The following WDR35 variants were observed in gnomAD, a reference collection of about 807,000 sequenced individuals.
WDR35 encodes WD repeat domain 35.
In WDR35, 118 loss-of-function variants were observed where a neutral mutation model predicts 158.3. The ratio of observed to expected loss-of-function variants is 0.75; its 90% CI spans 0.64 to 0.87. The LOEUF (loss-of-function observed/expected upper bound fraction) is 0.87, where lower values mean the gene tolerates loss of function less well. WDR35 is among the 40% of genes least tolerant of loss of function. The probability of loss-of-function intolerance (pLI) is 0.00; values close to 1 mark genes in which losing one functional copy is unlikely to be tolerated. For synonymous variants in WDR35, 448 were observed against 476.1 expected, an observed-to-expected ratio of 0.94 and a Z score of 0.77; for missense variants, 1,263 against 1,405.8, an observed-to-expected ratio of 0.90 and a Z score of 1.62.
chr2:19,974,413 A>T (rs1024904594), intron 7 of WDR35, 55 bp downstream of exon 7: 6 of 1,455,854 alleles, frequency 4.1e-6, no homozygotes, highest in Non-Finnish European at 5.5e-6. Context: ...CATCTCAAAA[A>T]GAAAAAAAAA....
chr2:19,921,059 C>T (rs1459023042), intron 25 of WDR35, among the ~76,000 whole-genome samples: 1 of 152,106 alleles, frequency 6.6e-6, no homozygotes, highest in African/African-American at 2.4e-5. Flanking sequence ...AACTACAAAC[C>T]ACTGCTCAAG....
chr2:19,968,352 G>A (rs1671926432), intron 9 of WDR35, among the ~76,000 whole-genome samples: 1 of 152,150 alleles, frequency 6.6e-6, no homozygotes, highest in South Asian at 2.1e-4. Context: ...CAGGGGAACA[G>A]GGGCCTATGT....
chr2:19,910,544 A>G lies in WDR35; in HGVS notation c.*3014T>C, dbSNP rs938114224. 2 of 152,226 alleles carry G rather than the reference A, an allele frequency of 1.3e-5. No individual in the cohort carries two copies. Among genetic ancestry groups the G allele is most frequent in the African/African-American group, 2.4e-5 (1 of 41,462 alleles). 9.4% of individuals were successfully genotyped at this position (152,226 alleles called of 1,614,324 possible). On this transcript the variant is annotated 3_prime_UTR_variant, in exon 27 of 27. Coordinates refer to ENST00000281405, the MANE Select transcript of WDR35 (RefSeq NM_020779.4). ...TAATGAAGGGCAAGTTTTATAATAA[A>G]AAAAACAACTTGGCATTACTCAACG...
In WDR35 at chr2:19,914,059, CAGGTTTTCTGTTATCTTTTGA is replaced by C; in HGVS notation, c.3319_3339del (p.Ser1107_Pro1113del). 1 of 1,614,094 alleles carries C rather than the reference CAGGTTTTCTGTTATCTTTTGA, an allele frequency of 6.2e-7. No individual in the cohort carries two copies. The highest frequency in any genetic ancestry group is 8.5e-7 in the Non-Finnish European group (1 of 1,179,984). Reference sequence around the variant, plus strand: ...TACCCTTCCATAAGGCTGTCCAATTCAGGTTTTCTGTTATCTTTTGAAGTATGTTTGGTGAAGATTTCTAAA... The same window carrying C: ...TACCCTTCCATAAGGCTGTCCAATTCAGTATGTTTGGTGAAGATTTCTAAA... On this transcript the variant is annotated inframe_deletion, in exon 26 of 27. Transcript: ENST00000281405.
At chr2:19,961,978 A>G (rs1005643636) in intron 10 of WDR35, among the ~76,000 whole-genome samples, 1 of 152,148 alleles carries the variant, frequency 6.6e-6, no homozygotes, top group Non-Finnish European at 1.5e-5. Context: ...TCCTAATCTT[A>G]AAAAATCCTT....
intron 5 of WDR35, 87 bp downstream of exon 5, chr2:19,978,664 T>C: frequency 6.3e-7 from 1 of 1,581,280 alleles, no homozygotes; most frequent in Non-Finnish European, 8.6e-7. Context: ...ATCAGAATGC[T>C]AACATATGGT....
intron 25 of WDR35, among the ~76,000 whole-genome samples, chr2:19,921,566 C>A (rs891969711): frequency 6.6e-6 from 1 of 152,172 alleles, no homozygotes; most frequent in Non-Finnish European, 1.5e-5. Context: ...ACACCTTATA[C>A]AAAAATTAAC....
At chr2:19,929,239 A>G (rs1481774560) in intron 25 of WDR35, among the ~76,000 whole-genome samples, 1 of 152,234 alleles carries the variant, frequency 6.6e-6, no homozygotes, top group African/African-American at 2.4e-5. Flanking sequence ...GTCTCTAAAG[A>G]GCTCTTATAA....
At chr2:19,980,874 C>T in intron 3 of WDR35, 91 bp from the exon 4 acceptor site, 2 of 1,148,008 alleles carry the variant, frequency 1.7e-6, no homozygotes, top group Non-Finnish European at 2.6e-6. Context: ...ATGTTAAAAT[C>T]AATATGGTTC....
At chr2:19,960,389 C>T (rs1257956802) in intron 11 of WDR35, among the ~76,000 whole-genome samples, 165 bp downstream of exon 11, 4 of 152,064 alleles carry the variant, frequency 2.6e-5, no homozygotes, top group Non-Finnish European at 5.9e-5. Context: ...AGAATTCTAC[C>T]ATGGTAACAG....
chr2:19,946,775 AT>A (rs925438894), intron 14 of WDR35, among the ~76,000 whole-genome samples: 67 of 152,098 alleles, frequency 4.4e-4, no homozygotes, highest in African/African-American at 1.5e-3. Context: ...AAGTATTCTA[AT>A]TTTTTTTCAT....
intron 2 of WDR35, among the ~76,000 whole-genome samples, chr2:19,984,583 A>C (rs1036680525): frequency 6.6e-6 from 1 of 152,270 alleles, no homozygotes; most frequent in African/African-American, 2.4e-5. Flanking sequence ...GAATGAAATC[A>C]GTTATTCCAA....
Position 19,930,442 on chromosome 2 carries a change from T to A in WDR35, c.3075A>T (p.Ala1025=). 3 of 1,614,168 alleles carry A rather than the reference T, an allele frequency of 1.9e-6. No individual in the cohort carries two copies. The highest frequency in any genetic ancestry group is 2.5e-6 in the Non-Finnish European group (3 of 1,180,018). Residue 1025 remains alanine (A), a synonymous_variant, in exon 25 of 27, where the codon GCA becomes GCT. Coordinates refer to ENST00000281405, the MANE Select transcript of WDR35 (RefSeq NM_020779.4). The stretch of plus-strand genomic sequence containing the variant: ...CACATCCCTCATAGAGCTGCCTCTG[T>A]GCAAGTATAAAGAAGTGGTAAGCCT... ...GAEAYHFFIL[A]QRQLYEGCVD...
At chr2:19,916,627 T>G (rs1572304901) in intron 25 of WDR35, among the ~76,000 whole-genome samples, 1 of 152,140 alleles carries the variant, frequency 6.6e-6, no homozygotes, top group Non-Finnish European at 1.5e-5. Flanking sequence ...CGCTGGGAAG[T>G]TGAAACTGGG....
intron 25 of WDR35, among the ~76,000 whole-genome samples, chr2:19,924,293 A>C (rs1391245545): frequency 6.6e-6 from 1 of 152,152 alleles, no homozygotes; most frequent in East Asian, 1.9e-4. Context: ...GGCCGGGTGC[A>C]GTGGCTCATG....
Position 19,937,824 on chromosome 2 carries a change from T to A in WDR35, c.2186A>T (p.Glu729Val), listed in dbSNP as rs766798136. Residue 729 changes from glutamate (E) to valine (V), a missense_variant, in exon 19 of 27, where the codon GAG becomes GTG. Transcript: ENST00000281405. Reference sequence around the variant, plus strand: ...AACAACTTCAGCCTGTTTCATTGACTCACTCAGTAGTTTGCCCAAGCGCTT... The same window carrying A: ...AACAACTTCAGCCTGTTTCATTGACACACTCAGTAGTTTGCCCAAGCGCTT... ...FVKRLGKLLS[E>V]SMKQAEVVGY... is the part of the protein sequence containing the mutation. The A allele has an allele frequency of 1.2e-6, 2 of 1,614,160 alleles. No individual in the cohort carries two copies. Among genetic ancestry groups the A allele is most frequent in the Non-Finnish European group, 1.7e-6 (2 of 1,180,014 alleles).
intron 16 of WDR35, among the ~76,000 whole-genome samples, chr2:19,943,190 G>C (rs563171663): frequency 5.3e-4 from 80 of 152,170 alleles, no homozygotes; most frequent in African/African-American, 1.9e-3. Flanking sequence ...GCAAGCACAA[G>C]CAAACAAGAA....
chr2:19,935,421 T>C, intron 21 of WDR35, 50 bp downstream of exon 21: 1 of 1,601,148 alleles, frequency 6.2e-7, no homozygotes, highest in Non-Finnish European at 8.5e-7. Flanking sequence ...TAACATAAAA[T>C]TTTATAAAGT....
At chr2:19,915,982 G>C (rs1572303910) in intron 25 of WDR35, among the ~76,000 whole-genome samples, 1 of 151,710 alleles carries the variant, frequency 6.6e-6, no homozygotes, top group East Asian at 1.9e-4. Context: ...GAACAGCTCT[G>C]GTCTGCAGCT....
Sources: gnomAD v4.1 joint callset for allele counts (sites outside exome capture counted in the v4.1 genomes callset) on GRCh38, gnomAD v4.1.1 for gene constraint, MANE v1.5 for transcripts, NCBI Gene and HGNC (gene_info 2026-07-23, HGNC 2026-07-21) for gene names.